Variants in CPAP observed in about 807,000 individuals in gnomAD.
CPAP encodes the protein centrosomal P4.1-associated protein.
the CPAP span, among the ~76,000 whole-genome samples, chr13:24,911,698 A>G: frequency 1.4e-5 from 2 of 142,334 alleles, no homozygotes. Flanking sequence ...CACCACACCC[A>G]GCTCATTTTT....
chr13:24,899,421 G>T, the CPAP span: 6 of 1,608,774 alleles, frequency 3.7e-6, no homozygotes, highest in Non-Finnish European at 5.1e-6. Context: ...TAGCATACCT[G>T]TATTTCTTCA....
At chr13:24,899,511 T>A in the CPAP span, 5 of 1,613,742 alleles carry the variant, frequency 3.1e-6, no homozygotes, top group Admixed American at 8.3e-5. Flanking sequence ...AGCTTCCTCA[T>A]CTCCTCCTTT....
chr13:24,904,072 C>T, the CPAP span: 1 of 1,613,352 alleles, frequency 6.2e-7, no homozygotes, highest in South Asian at 1.1e-5. Flanking sequence ...TGAAATAGGC[C>T]ATAAATACTG....
At chr13:24,900,970 T>C in the CPAP span, among the ~76,000 whole-genome samples, 8,651 of 152,100 alleles carry the variant, frequency 0.057, 824 homozygotes, top group African/African-American at 0.2. Flanking sequence ...GAGCTCACTT[T>C]TTCTAAATGA....
chr13:24,921,931 CTACTT>C, the CPAP span, among the ~76,000 whole-genome samples: 1 of 152,072 alleles, frequency 6.6e-6, no homozygotes, highest in Non-Finnish European at 1.5e-5. Context: ...CCAGAACCTG[CTACTT>C]ATTATTGATA....
chr13:24,907,191 G>C, the CPAP span: 2 of 1,603,394 alleles, frequency 1.2e-6, no homozygotes, highest in South Asian at 1.1e-5. Context: ...AGCTTTAATG[G>C]GCCTAATTAG....
the CPAP span, chr13:24,912,796 T>A: frequency 1.2e-5 from 20 of 1,614,178 alleles, no homozygotes; most frequent in South Asian, 2.1e-4. Context: ...CAACTTCTGT[T>A]CTTCAAGAAG....
At chr13:24,887,971 G>T in the CPAP span, among the ~76,000 whole-genome samples, 1 of 152,152 alleles carries the variant, frequency 6.6e-6, no homozygotes. Flanking sequence ...AAAAGCCACG[G>T]GCTCCACAGA....
At chr13:24,888,114 A>G in the CPAP span, among the ~76,000 whole-genome samples, 1 of 152,218 alleles carries the variant, frequency 6.6e-6, no homozygotes, top group African/African-American at 2.4e-5. Context: ...AAAATTCCAG[A>G]TTAAAAACTC....
the CPAP span, among the ~76,000 whole-genome samples, chr13:24,910,293 A>G: frequency 6.6e-6 from 1 of 152,192 alleles, no homozygotes; most frequent in Non-Finnish European, 1.5e-5. Context: ...GTGCGATCTC[A>G]GCTCACTGCA....
chr13:24,915,802 AAACAACAAC>A, the CPAP span, among the ~76,000 whole-genome samples: 2 of 151,840 alleles, frequency 1.3e-5, no homozygotes, highest in Non-Finnish European at 2.9e-5. Flanking sequence ...TCCATCTCGA[AAACAACAAC>A]AACAACAACA....
At chr13:24,893,215 G>T in the CPAP span, among the ~76,000 whole-genome samples, 1 of 152,164 alleles carries the variant, frequency 6.6e-6, no homozygotes, top group Non-Finnish European at 1.5e-5. Context: ...AATGCAATAG[G>T]AACTCATGAA....
the CPAP span, chr13:24,883,399 T>TAA: frequency 3.6e-6 from 5 of 1,407,236 alleles, no homozygotes; most frequent in Non-Finnish European, 4.8e-6. Flanking sequence ...TATGATTTCT[T>TAA]AAAAAAAAAA....
the CPAP span, among the ~76,000 whole-genome samples, chr13:24,929,874 C>T: frequency 6.9e-6 from 1 of 144,590 alleles, no homozygotes; most frequent in Non-Finnish European, 1.5e-5. Flanking sequence ...CTTTAACCTG[C>T]TCAAATCTGT....
At chr13:24,908,854 C>A in the CPAP span, among the ~76,000 whole-genome samples, 2 of 151,988 alleles carry the variant, frequency 1.3e-5, no homozygotes, top group African/African-American at 2.4e-5. Flanking sequence ...TCTTTAGATA[C>A]AATAATAGCA....
At chr13:24,923,147 A>T in the CPAP span, among the ~76,000 whole-genome samples, 1 of 152,122 alleles carries the variant, frequency 6.6e-6, no homozygotes, top group South Asian at 2.1e-4. Context: ...CGCCTAACGG[A>T]GCGATGGATC....
the CPAP span, among the ~76,000 whole-genome samples, chr13:24,910,957 T>C: frequency 3.9e-5 from 6 of 152,328 alleles, no homozygotes; most frequent in East Asian, 7.7e-4. Flanking sequence ...CTCACTCACT[T>C]GCCAAGTCTT....
chr13:24,899,077 A>G, the CPAP span, among the ~76,000 whole-genome samples: 1,423 of 152,338 alleles, frequency 9.3e-3, 25 homozygotes, highest in African/African-American at 0.033. Flanking sequence ...ATTATGATAA[A>G]TGAACAGAAC....
chr13:24,933,007 G>A, the CPAP span: 1 of 1,578,330 alleles, frequency 6.3e-7, no homozygotes, highest in Non-Finnish European at 8.7e-7. Context: ...CTACAGGATG[G>A]TGATGGGAAT....
Sources: allele counts gnomAD v4.1 joint callset (sites outside exome capture counted in the v4.1 genomes callset), GRCh38; gene constraint gnomAD v4.1.1; transcripts MANE v1.5; gene names NCBI Gene and HGNC (gene_info 2026-07-23, HGNC 2026-07-21).